Variants in C12orf54 observed in about 807,000 individuals in gnomAD.
The protein encoded by C12orf54 is uncharacterized protein C12orf54.
Under a neutral mutation model 26.4 loss-of-function variants are expected in C12orf54, and 24 were observed. The observed-to-expected ratio is 0.91, with a 90% CI of 0.66 to 1.28. The LOEUF is 1.28. Among genes scored for constraint, C12orf54 ranks in the 50% most tolerant of loss-of-function variants. C12orf54 has a pLI of 0.00. For synonymous variants in C12orf54, 54 were observed against 47.0 expected (o/e 1.15, Z -0.61); for missense variants, 154 against 150.9 (o/e 1.02, Z -0.11).
chr12:48,429,197 C>G, the C12orf54 span, among the ~76,000 whole-genome samples: 30 of 152,090 alleles, frequency 2.0e-4, no homozygotes, highest in South Asian at 2.1e-4. Flanking sequence ...TATGAAAAAC[C>G]CACAGCCAAC....
the C12orf54 span, among the ~76,000 whole-genome samples, chr12:48,413,396 C>T: frequency 6.6e-6 from 1 of 152,190 alleles, no homozygotes; most frequent in East Asian, 1.9e-4. Context: ...GTCTAGCACT[C>T]TTCAACCCCA....
At chr12:48,476,735 G>A in the C12orf54 span, among the ~76,000 whole-genome samples, 1 of 151,512 alleles carries the variant, frequency 6.6e-6, no homozygotes, top group Non-Finnish European at 1.5e-5. Flanking sequence ...GGAGCACCCA[G>A]ATTCATAAAG....
At chr12:48,488,531 A>C (rs1937711549) in intron 4 of C12orf54, 1 of 393,242 alleles carries the variant, frequency 2.5e-6, no homozygotes, top group Non-Finnish European at 4.7e-6. Context: ...ACTTTTTCCA[A>C]AGTGAGCATA....
chr12:48,415,246 A>C, the C12orf54 span, among the ~76,000 whole-genome samples: 4 of 152,292 alleles, frequency 2.6e-5, no homozygotes, highest in East Asian at 7.7e-4. Flanking sequence ...ACCAAAAACA[A>C]ATAGCTCCCT....
the C12orf54 span, among the ~76,000 whole-genome samples, chr12:48,446,519 A>G: frequency 1.3e-5 from 2 of 152,198 alleles, no homozygotes; most frequent in Non-Finnish European, 2.9e-5. Context: ...AGTTGGCCAA[A>G]GGGATGGCAA....
chr12:48,480,373 T>C (rs931864113), upstream of C12orf54, among the ~76,000 whole-genome samples: 1 of 152,250 alleles, frequency 6.6e-6, no homozygotes, highest in East Asian at 1.9e-4. Flanking sequence ...CTTTGTCAGA[T>C]GCATAGTTTG....
chr12:48,460,507 G>C, the C12orf54 span, among the ~76,000 whole-genome samples: 1 of 152,104 alleles, frequency 6.6e-6, no homozygotes, highest in Non-Finnish European at 1.5e-5. Flanking sequence ...GAAGTGAAGA[G>C]CCCCACACAT....
chr12:48,473,105 C>T, the C12orf54 span: 1 of 1,613,390 alleles, frequency 6.2e-7, no homozygotes, highest in Non-Finnish European at 8.5e-7. Context: ...ATCTCAACGG[C>T]TGTGACCCGG....
In C12orf54 at chr12:48,483,313, G is replaced by A. The variant is rs1261956393; in HGVS notation, c.17G>A (p.Cys6Tyr). 1.9e-6 allele frequency: 3 copies of A among 1,613,802 alleles called. No individual in the cohort carries two copies. Among genetic ancestry groups the A allele is most frequent in the South Asian group, 2.2e-5 (2 of 91,068 alleles). The change falls in exon 2 of 9, where the codon TGC becomes TAC. Residue 6 changes from cysteine (C) to tyrosine (Y), a missense_variant. Cys to Tyr is a radical substitution (Grantham distance 194, BLOSUM62 -2). Coordinates refer to ENST00000548364, the MANE Select transcript of C12orf54 (RefSeq NM_152319.4). ...TGAGAACAAATGGCACAGCATCCCTGCCAGGATCAGGAACAAAAGGTAGAA... is the reference window on the plus strand; with the variant it reads ...TGAGAACAAATGGCACAGCATCCCTACCAGGATCAGGAACAAAAGGTAGAA... MAQHP[C>Y]QDQEQKVEMT...
the C12orf54 span, among the ~76,000 whole-genome samples, chr12:48,418,285 T>C: frequency 6.6e-6 from 1 of 152,194 alleles, no homozygotes; most frequent in Non-Finnish European, 1.5e-5. Flanking sequence ...ATTTACTGCC[T>C]CTGTGCTGTC....
the C12orf54 span, among the ~76,000 whole-genome samples, chr12:48,445,920 G>T: frequency 6.6e-6 from 1 of 152,164 alleles, no homozygotes; most frequent in Admixed American, 6.5e-5. Context: ...AGTGGGGAGG[G>T]TACCCTTAAA....
chr12:48,414,058 GACAA>G, the C12orf54 span, among the ~76,000 whole-genome samples: 1 of 152,196 alleles, frequency 6.6e-6, no homozygotes, highest in African/African-American at 2.4e-5. Flanking sequence ...GAAGGAAAAG[GACAA>G]ACAATTACAG....
At chr12:48,444,517 A>G in the C12orf54 span, among the ~76,000 whole-genome samples, 2 of 152,274 alleles carry the variant, frequency 1.3e-5, no homozygotes, top group African/African-American at 4.8e-5. Flanking sequence ...CATTTTCACA[A>G]AGGACAAAGT....
chr12:48,425,620 G>C, the C12orf54 span, among the ~76,000 whole-genome samples: 1 of 151,976 alleles, frequency 6.6e-6, no homozygotes, highest in Non-Finnish European at 1.5e-5. Context: ...TCAAATTGTA[G>C]TCCTGTTTTT....
the C12orf54 span, among the ~76,000 whole-genome samples, chr12:48,439,100 C>G: frequency 6.6e-6 from 1 of 151,552 alleles, no homozygotes; most frequent in Non-Finnish European, 1.5e-5. Flanking sequence ...GGCAAACAGA[C>G]ACTTCTCAAA....
the C12orf54 span, among the ~76,000 whole-genome samples, chr12:48,424,914 G>A: frequency 6.6e-6 from 1 of 152,070 alleles, no homozygotes; most frequent in South Asian, 2.1e-4. Context: ...CAAGGGCCAA[G>A]GGGTGGGAGG....
At chr12:48,422,505 A>G in the C12orf54 span, among the ~76,000 whole-genome samples, 1 of 152,142 alleles carries the variant, frequency 6.6e-6, no homozygotes, top group Non-Finnish European at 1.5e-5. Flanking sequence ...GGAATGACCC[A>G]ATCTAGTATC....
the C12orf54 span, among the ~76,000 whole-genome samples, chr12:48,436,085 C>CA: frequency 4.0e-5 from 6 of 151,434 alleles, no homozygotes; most frequent in Non-Finnish European, 5.9e-5. Context: ...AAATGGAAAA[C>CA]AAAAAAAGGC....
At chr12:48,488,369 TG>T in intron 4 of C12orf54, 2 of 501,360 alleles carry the variant, frequency 4.0e-6, no homozygotes. Context: ...AAGCCAAGGC[TG>T]GGGCTGGGTC....
Sources: allele counts gnomAD v4.1 joint callset (sites outside exome capture counted in the v4.1 genomes callset), GRCh38; gene constraint gnomAD v4.1.1; transcripts MANE v1.5; gene names NCBI Gene and HGNC (gene_info 2026-07-23, HGNC 2026-07-21).